TMEM132D: variants seen among roughly 807,000 people sequenced by gnomAD.
TMEM132D encodes mature OL transmembrane protein.
A neutral mutation model predicts 62.3 loss-of-function variants in TMEM132D; 21 were observed. The ratio of observed to expected loss-of-function variants is 0.34; its 90% CI spans 0.24 to 0.49. TMEM132D has a LOEUF of 0.49. Ranked by LOEUF, TMEM132D falls within the 20% of genes least tolerant of loss-of-function variation. The pLI, the probability that TMEM132D is intolerant of heterozygous loss-of-function variation, is 0.99. For synonymous variants in TMEM132D, 621 were observed against 575.6 expected (o/e 1.08, Z -1.13); for missense variants, 1,346 against 1,402.8 (o/e 0.96, Z 0.65).
chr12:129,198,113 G>A (rs1262930670), intron 5 of TMEM132D, among the ~76,000 whole-genome samples: 1 of 152,010 alleles, frequency 6.6e-6, no homozygotes, highest in Admixed American at 6.5e-5. Flanking sequence ...TGTCAGAATG[G>A]CTATTATTAA....
rs528869966 is a variant in TMEM132D, at chr12:129,539,104, G to A, written c.969-7899C>T. 2.6e-5 allele frequency among the ~76,000 whole-genome samples: 4 copies of A among 152,294 alleles called. No individual in the cohort carries two copies. In the South Asian group the frequency reaches 8.3e-4, roughly 32 times the overall value. Reference sequence around the variant, plus strand: ...GGTGACAAGGGGGCAGGTGTCTCATGCAGGAGGGTTGCGAGTACAGGACAA... The same window carrying A: ...GGTGACAAGGGGGCAGGTGTCTCATACAGGAGGGTTGCGAGTACAGGACAA... On this transcript the variant is annotated intron_variant, in intron 2 of 8. Coordinates refer to ENST00000422113, the MANE Select transcript of TMEM132D (RefSeq NM_133448.3).
intron 1 of TMEM132D, among the ~76,000 whole-genome samples, chr12:129,776,394 C>T (rs893359835): frequency 6.6e-6 from 1 of 152,072 alleles, no homozygotes; most frequent in Non-Finnish European, 1.5e-5. Context: ...GAAGTTAAAA[C>T]AGAAAAACTC....
chr12:129,315,821 T>A (rs1868471115), intron 4 of TMEM132D, among the ~76,000 whole-genome samples: 1 of 152,148 alleles, frequency 6.6e-6, no homozygotes, highest in African/African-American at 2.4e-5. Context: ...TCTTGCTGCT[T>A]GTTATTGGTC....
intron 5 of TMEM132D, among the ~76,000 whole-genome samples, chr12:129,188,769 GA>G (rs1878297578): frequency 5.1e-4 from 2 of 3,924 alleles, no homozygotes; most frequent in East Asian, 0.036. Context: ...GAGGGAGAGA[GA>G]GAGAGAGAGA....
At chr12:129,188,771 G>C (rs550619058) in intron 5 of TMEM132D, among the ~76,000 whole-genome samples, 2,532 of 20,894 alleles carry the variant, frequency 0.12, 64 homozygotes, top group African/African-American at 0.28. Flanking sequence ...GGGAGAGAGA[G>C]AGAGAGAGAG....
intron 3 of TMEM132D, among the ~76,000 whole-genome samples, chr12:129,505,323 A>T (rs1226656333): frequency 6.6e-6 from 1 of 151,880 alleles, no homozygotes; most frequent in Non-Finnish European, 1.5e-5. Flanking sequence ...GCTCACTGCA[A>T]GCTCCGCCTC....
chr12:129,881,028 G>A (rs1167823783), intron 1 of TMEM132D, among the ~76,000 whole-genome samples: 1 of 151,638 alleles, frequency 6.6e-6, no homozygotes, highest in African/African-American at 2.4e-5. Flanking sequence ...AAAGGATAGG[G>A]AAAATACACC....
At chr12:129,366,156 A>G (rs1213581155) in intron 3 of TMEM132D, among the ~76,000 whole-genome samples, 1 of 152,200 alleles carries the variant, frequency 6.6e-6, no homozygotes, top group African/African-American at 2.4e-5. Flanking sequence ...ATCATCTTGT[A>G]TATTTTGTTT....
intron 3 of TMEM132D, among the ~76,000 whole-genome samples, chr12:129,512,104 C>T (rs1390489425): frequency 6.6e-6 from 1 of 152,162 alleles, no homozygotes; most frequent in Non-Finnish European, 1.5e-5. Context: ...CAAATGGTAG[C>T]TACTCAAATA....
At chr12:129,218,443 G>A (rs1879268980) in intron 4 of TMEM132D, among the ~76,000 whole-genome samples, 1 of 152,156 alleles carries the variant, frequency 6.6e-6, no homozygotes, top group Admixed American at 6.5e-5. Context: ...CATCTGTATG[G>A]CAGGTGATTG....
intron 1 of TMEM132D, among the ~76,000 whole-genome samples, chr12:129,883,144 T>G (rs1318161382): frequency 6.6e-6 from 1 of 152,156 alleles, no homozygotes; most frequent in Non-Finnish European, 1.5e-5. Flanking sequence ...TGCAAAACAT[T>G]AACAGATGTC....
chr12:129,892,391 A>C (rs1045228698), intron 1 of TMEM132D, among the ~76,000 whole-genome samples: 1 of 152,164 alleles, frequency 6.6e-6, no homozygotes, highest in African/African-American at 2.4e-5. Flanking sequence ...CCTCATGCCA[A>C]AGTATAATTC....
intron 1 of TMEM132D, among the ~76,000 whole-genome samples, chr12:129,832,460 A>C (rs1872872406): frequency 6.6e-6 from 1 of 152,202 alleles, no homozygotes; most frequent in Non-Finnish European, 1.5e-5. Flanking sequence ...AGCTCTTTAC[A>C]AAAAAGCTTG....
chr12:129,699,295 G>A (rs1881314221), intron 2 of TMEM132D, among the ~76,000 whole-genome samples: 1 of 151,860 alleles, frequency 6.6e-6, no homozygotes. Flanking sequence ...TTATTTTTTT[G>A]AACACTAAGT....
chr12:129,269,819 C>T (rs1880804322), intron 4 of TMEM132D, among the ~76,000 whole-genome samples: 1 of 152,176 alleles, frequency 6.6e-6, no homozygotes, highest in African/African-American at 2.4e-5. Context: ...GGCTGGATCT[C>T]ATTTTTCACA....
chr12:129,530,576 T>C (rs1297296585), intron 3 of TMEM132D, among the ~76,000 whole-genome samples: 1 of 152,214 alleles, frequency 6.6e-6, no homozygotes, highest in East Asian at 1.9e-4. Flanking sequence ...CTACTGCAGA[T>C]AGTTCACTGT....
At position 129,692,572 on chromosome 12, in the gene TMEM132D, C is replaced by T. The variant is rs140596639; in HGVS notation, c.968+7238G>A. Among the ~76,000 whole-genome samples, 740 of 152,248 alleles carry T rather than the reference C, an allele frequency of 4.9e-3. 8 individuals are homozygous for T. Among genetic ancestry groups the T allele is most frequent in the African/African-American group, 0.017 (699 of 41,528 alleles). On this transcript the variant is annotated intron_variant, in intron 2 of 8. Transcript: ENST00000422113. ...ATTGCAGCACTATTCACACTATTCA[C>T]AATAGCAAAGACATGGAATAGACCC...
chr12:129,501,428 T>C (rs1208619655), intron 3 of TMEM132D, among the ~76,000 whole-genome samples: 7 of 152,214 alleles, frequency 4.6e-5, no homozygotes, highest in African/African-American at 1.7e-4. Context: ...TAAAACTTTC[T>C]AAAACTTCCA....
At chr12:129,288,260 C>T (rs1326607548) in intron 4 of TMEM132D, among the ~76,000 whole-genome samples, 1 of 152,142 alleles carries the variant, frequency 6.6e-6, no homozygotes, top group Non-Finnish European at 1.5e-5. Context: ...AGCTAATAAG[C>T]TTCTGCACAG....
Sources: allele counts gnomAD v4.1 joint callset (sites outside exome capture counted in the v4.1 genomes callset), GRCh38; gene constraint gnomAD v4.1.1; transcripts MANE v1.5; gene names NCBI Gene and HGNC (gene_info 2026-07-23, HGNC 2026-07-21).